SMARCA1: variants seen among roughly 807,000 people sequenced by gnomAD.
The protein encoded by SMARCA1 is SNF2 related chromatin remodeling ATPase 1.
In SMARCA1, 17 loss-of-function variants were observed where a neutral mutation model predicts 93.6. That is an observed-to-expected ratio of 0.18 (90% CI 0.12 to 0.27). SMARCA1 has a LOEUF of 0.27. Ranked by LOEUF, SMARCA1 falls within the 10% of genes least tolerant of loss-of-function variation. The pLI, the probability that SMARCA1 is intolerant of heterozygous loss-of-function variation, is 1.00. For missense variants in SMARCA1, 630 were observed against 819.0 expected (o/e 0.77, Z 2.82); for synonymous variants, 271 against 271.4 (o/e 1.00, Z 0.01).
At chrX:129,489,707 G>A (rs960182989) in intron 15 of SMARCA1, among the ~76,000 whole-genome samples, 5 of 111,315 alleles carry the variant, frequency 4.5e-5, no homozygotes, top group Non-Finnish European at 7.5e-5. Context: ...ACTGGTGCAC[G>A]CCACCACACC....
Position 129,448,350 on chromosome X carries a change from C to A in SMARCA1, c.3124G>T (p.Ala1042Ser). Residue 1042 changes from alanine to serine, a missense_variant, in exon 24 of 25, where the codon GCA becomes TCA. Physicochemically the swap from Ala to Ser is moderately conservative, Grantham distance 99 (BLOSUM62 1). Around this residue, in one of 4 missense-constraint regions of SMARCA1, gnomAD observed 93 missense variants for 160.8 expected, o/e 0.58. Transcript: ENST00000371121. The part of the protein sequence containing the change: ...ERERAEKKKR[A>S]TKTPMSQKRK... ...AATTTTACCATTGGAGTTTTAGTTG[C>A]CCGTTTCTTCTTTTCTGCTCTCTCT... 1 of 1,202,596 alleles carries A rather than the reference C, an allele frequency of 8.3e-7. No homozygotes were observed. Among genetic ancestry groups the A allele is most frequent in the Non-Finnish European group, 1.1e-6 (1 of 888,525 alleles).
chrX:129,517,009 G>T (rs963880519), intron 2 of SMARCA1, among the ~76,000 whole-genome samples: 14 of 110,816 alleles, frequency 1.3e-4, no homozygotes, highest in African/African-American at 4.6e-4. Flanking sequence ...TTAAAATACA[G>T]TATCATCTTG....
At chrX:129,460,721 T>C (rs1259581159) in intron 23 of SMARCA1, among the ~76,000 whole-genome samples, 2 of 111,667 alleles carry the variant, frequency 1.8e-5, no homozygotes, top group Non-Finnish European at 3.8e-5. Flanking sequence ...CAAATAGAAG[T>C]GTTACTGTGA....
At chrX:129,471,394 C>T (rs1602667012) in intron 19 of SMARCA1, 68 bp from the exon 20 acceptor site, 1 of 691,989 alleles carries the variant, frequency 1.4e-6, no homozygotes, top group East Asian at 3.4e-5. Context: ...TGTATATACA[C>T]ATATCAATCT....
Position 129,481,176 on chromosome X carries a change from C to T in SMARCA1, c.2227G>A (p.Val743Met). The change falls in exon 18 of 25, where the codon GTG (valine) becomes ATG (methionine). Residue 743 changes from valine to methionine, a missense_variant. By Grantham distance (21) the Val-to-Met change is conservative (BLOSUM62 1). Transcript: ENST00000371121. Reference protein sequence around the residue: ...DYREKQKLGMVEWIEPPKRER... With the variant: ...DYREKQKLGMMEWIEPPKRER... ...CGTTTAGGAGGTTCAATCCATTCCA[C>T]CATGCCAAGCTATACACAACAAACA... 1 of 1,176,853 alleles carries T rather than the reference C, an allele frequency of 8.5e-7. No individual in the cohort carries two copies. The highest frequency in any genetic ancestry group is 1.2e-6 in the Non-Finnish European group (1 of 865,157).
At chrX:129,523,109 T>A (rs1463072303) in intron 1 of SMARCA1, 88 bp downstream of exon 1, 4 of 1,028,440 alleles carry the variant, frequency 3.9e-6, no homozygotes, top group East Asian at 6.5e-5. Flanking sequence ...CGCGGGTACC[T>A]GTCGGCGCCG....
At chrX:129,486,841 C>T (rs868331007) in intron 17 of SMARCA1, among the ~76,000 whole-genome samples, 177 bp downstream of exon 17, 3 of 105,301 alleles carry the variant, frequency 2.8e-5, no homozygotes, top group African/African-American at 6.8e-5. Flanking sequence ...ATGATGACGA[C>T]GACGACGATA....
At chrX:129,451,797 G>A (rs761008091) in intron 23 of SMARCA1, among the ~76,000 whole-genome samples, 58 of 104,353 alleles carry the variant, frequency 5.6e-4, no homozygotes, top group Non-Finnish European at 8.6e-4. Flanking sequence ...TCCATCTCCC[G>A]GGTTCACACC....
intron 19 of SMARCA1, among the ~76,000 whole-genome samples, chrX:129,479,331 A>C (rs1333272998): frequency 1.8e-5 from 2 of 111,333 alleles, no homozygotes; most frequent in Non-Finnish European, 3.8e-5. Flanking sequence ...ATTGTTAATA[A>C]TTATCATTAA....
intron 5 of SMARCA1, among the ~76,000 whole-genome samples, chrX:129,512,940 T>C (rs1041844173): frequency 1.8e-5 from 2 of 111,828 alleles, no homozygotes; most frequent in Admixed American, 1.9e-4. Context: ...TGAATAAAAT[T>C]ATGGTACCGC....
chrX:129,452,501 T>C (rs1434768804), intron 23 of SMARCA1, among the ~76,000 whole-genome samples: 1 of 112,631 alleles, frequency 8.9e-6, no homozygotes, highest in Non-Finnish European at 1.9e-5. Flanking sequence ...CAAATGTGTA[T>C]GGGAAATGTT....
At chrX:129,496,982 A>AACGC in intron 11 of SMARCA1, 111 bp from the exon 12 acceptor site, 1 of 568,494 alleles carries the variant, frequency 1.8e-6, no homozygotes, top group Admixed American at 3.0e-5. Context: ...ACACTCCACT[A>AACGC]ACGCACACAC....
At chrX:129,517,111 T>A (rs1315982463) in intron 2 of SMARCA1, among the ~76,000 whole-genome samples, 2 of 111,280 alleles carry the variant, frequency 1.8e-5, no homozygotes, top group Non-Finnish European at 3.8e-5. Context: ...TTTGTGCTAG[T>A]AGCGTATAAA....
Position 129,449,566 on chromosome X carries a change from G to A in SMARCA1, c.3031-1123C>T, listed in dbSNP as rs750905039. ...CAAACTATAAATACTTTTTACGAAT[G>A]TATGGTGAACATTAAACATGATTCA... On this transcript the variant is annotated intron_variant, in intron 23 of 24. Transcript: ENST00000371121. 1.1e-4 allele frequency among the ~76,000 whole-genome samples: 12 copies of A among 112,018 alleles called. No individual in the cohort carries two copies. In the East Asian group the frequency reaches 3.3e-3, roughly 31 times the overall value.
At chrX:129,456,300 T>C (rs925900301) in intron 23 of SMARCA1, among the ~76,000 whole-genome samples, 1 of 111,847 alleles carries the variant, frequency 8.9e-6, no homozygotes, top group Non-Finnish European at 1.9e-5. Context: ...AAAAGATTCC[T>C]TTTAAAATAT....
In SMARCA1 at chrX:129,523,471, G is replaced by C. The variant is rs1398441027; in HGVS notation, c.-101C>G. The C allele has an allele frequency of 3.3e-5, 22 of 662,943 alleles. No individual in the cohort carries two copies. Among genetic ancestry groups the C allele is most frequent in the Non-Finnish European group, 4.6e-5 (21 of 459,437 alleles). The allele number at this position is 662,943 out of a possible 1,213,427, so 54.6% of individuals were successfully genotyped here. A position where few individuals can be genotyped will look rare whatever the true frequency, so the allele number is the denominator to read the frequency against. ...AAAGAGCTAGATGGAGCAGGGGTGGGGAATCACTCCGCTTCCAACCCCTTC... is the reference window on the plus strand; with the variant it reads ...AAAGAGCTAGATGGAGCAGGGGTGGCGAATCACTCCGCTTCCAACCCCTTC... On this transcript the variant is annotated 5_prime_UTR_variant, in exon 1 of 25. Coordinates refer to ENST00000371121, the MANE Select transcript of SMARCA1 (RefSeq NM_001282874.2).
At chrX:129,450,608 G>A (rs996344260) in intron 23 of SMARCA1, among the ~76,000 whole-genome samples, 2 of 111,756 alleles carry the variant, frequency 1.8e-5, no homozygotes, top group Non-Finnish European at 3.8e-5. Flanking sequence ...TTAGAGCAGT[G>A]TTAAACTGGG....
At chrX:129,521,871 G>T (rs940363384) in intron 1 of SMARCA1, among the ~76,000 whole-genome samples, 3 of 112,154 alleles carry the variant, frequency 2.7e-5, no homozygotes, top group African/African-American at 9.7e-5. Context: ...AGTCAACCTT[G>T]TAATAGTAAA....
At chrX:129,504,671 G>C in intron 9 of SMARCA1, 63 bp downstream of exon 9, 1 of 698,303 alleles carries the variant, frequency 1.4e-6, no homozygotes, top group Non-Finnish European at 2.1e-6. Flanking sequence ...ATAGCATTTT[G>C]TTTTCTGGGT....
Sources: gnomAD v4.1 joint callset for allele counts (sites outside exome capture counted in the v4.1 genomes callset) on GRCh38, gnomAD v4.1.1 for gene constraint, gnomAD v4.1.1 regional missense constraint, MANE v1.5 for transcripts, NCBI Gene and HGNC (gene_info 2026-07-23, HGNC 2026-07-21) for gene names.